Variants in MINAR1 observed in about 807,000 individuals in gnomAD.
MINAR1 encodes major intrinsically disordered Notch2-binding receptor 1.
A neutral mutation model predicts 65.1 loss-of-function variants in MINAR1; 40 were observed. That is an observed-to-expected ratio of 0.61 (90% CI 0.48 to 0.80). The LOEUF is 0.80. Ranked by LOEUF, MINAR1 falls within the 30% of genes least tolerant of loss-of-function variation. The pLI is 0.00. For synonymous variants in MINAR1, 482 were observed against 449.1 expected, an observed-to-expected ratio of 1.07 and a Z score of -0.93; for missense variants, 1,128 against 1,148.0, an observed-to-expected ratio of 0.98 and a Z score of 0.25.
chr15:79,429,468 A>G (rs535086910), upstream of MINAR1, among the ~76,000 whole-genome samples: 47 of 152,302 alleles, frequency 3.1e-4, 1 homozygote, highest in South Asian at 6.2e-4. Flanking sequence ...TTTTCACACC[A>G]TTGCCAATGA....
upstream of MINAR1, among the ~76,000 whole-genome samples, chr15:79,432,104 G>T (rs1321281073): frequency 6.6e-6 from 1 of 152,116 alleles, no homozygotes; most frequent in Non-Finnish European, 1.5e-5. Context: ...CAGCCTGCAA[G>T]CCCATGACGT....
upstream of MINAR1, among the ~76,000 whole-genome samples, chr15:79,428,439 TCCCCTTTCCTCCCTCCCTCCTTCC>T (rs1894367766): frequency 1.7e-5 from 2 of 116,768 alleles, no homozygotes; most frequent in Admixed American, 8.1e-5. Flanking sequence ...CTTCCTTTCT[TCCCCTTTCCTCCCTCCCTCCTTCC>T]CTCCCTCTTT....
intron 1 of MINAR1, among the ~76,000 whole-genome samples, chr15:79,453,643 C>G (rs1001276282): frequency 5.9e-5 from 9 of 152,198 alleles, no homozygotes; most frequent in African/African-American, 2.2e-4. Context: ...TGCAGTTTCT[C>G]TATGATAACT....
At position 79,471,837 on chromosome 15, in the gene MINAR1, A is replaced by G. The variant is rs552099718; in HGVS notation, c.*3453A>G. On this transcript the variant is annotated 3_prime_UTR_variant, in exon 4 of 4. Coordinates refer to ENST00000305428, the MANE Select transcript of MINAR1 (RefSeq NM_015206.3). ...TGCTTCATATTATAACCAACCTGCA[A>G]GAATATTGTGGTCAATTGTGTGAAT... The G allele has an allele frequency of 3.5e-4, 54 of 152,752 alleles. 1 individual carries two copies. The South Asian group carries it at 7.7e-3, about 22-fold the overall frequency. The allele number at this position is 152,752 out of a possible 1,614,324, so 9.5% of individuals were successfully genotyped here.
chr15:79,447,434 TA>T (rs1415885287), intron 1 of MINAR1, among the ~76,000 whole-genome samples: 1 of 151,702 alleles, frequency 6.6e-6, no homozygotes, highest in East Asian at 1.9e-4. Context: ...TTATTTTAAG[TA>T]TATTTGTATC....
At chr15:79,454,227 C>G (rs1382777955) in intron 1 of MINAR1, among the ~76,000 whole-genome samples, 1 of 152,154 alleles carries the variant, frequency 6.6e-6, no homozygotes, top group Non-Finnish European at 1.5e-5. Context: ...TTTCCTTTTC[C>G]TTGCAAGAAA....
At position 79,457,550 on chromosome 15, in the gene MINAR1, G is replaced by C; in HGVS notation, c.1403G>C (p.Ser468Thr). 6.2e-7 allele frequency: 1 copy of C among 1,614,184 alleles called. No homozygotes were observed. Among genetic ancestry groups the C allele is most frequent in the Non-Finnish European group, 8.5e-7 (1 of 1,180,032 alleles). ...ATTAACTGCACCAGTGGGCAGCTCA[G>C]CTCAGACACCAGTAGCGTGGGCACC... ...KSINCTSGQL[S>T]SDTSSVGTQT... Residue 468 changes from serine to threonine, a missense_variant, in exon 2 of 4, where the codon AGC becomes ACC. Coordinates refer to ENST00000305428, the MANE Select transcript of MINAR1 (RefSeq NM_015206.3).
chr15:79,412,717 C>A, the MINAR1 span: 1 of 152,540 alleles, frequency 6.6e-6, no homozygotes, highest in East Asian at 1.9e-4. Context: ...GAGCATGCAC[C>A]CTGCTGCGCT....
At chr15:79,422,841 T>A in the MINAR1 span, 1 of 152,062 alleles carries the variant, frequency 6.6e-6, no homozygotes, top group Non-Finnish European at 1.5e-5. Context: ...CAAGAGGAAA[T>A]AAAACCATTG....
chr15:79,439,354 A>AATGAGATGTTGTGTGTGGGTAGTG (rs1567050630), intron 1 of MINAR1, among the ~76,000 whole-genome samples: 3 of 51,436 alleles, frequency 5.8e-5, no homozygotes, highest in Admixed American at 2.3e-4. Context: ...GTGTGTGGGT[A>AATGAGATGTTGTGTGTGGGTAGTG]ATGAGATGTG....
intron 1 of MINAR1, 122 bp from the exon 2 acceptor site, chr15:79,455,976 T>C: frequency 3.3e-6 from 2 of 610,278 alleles, no homozygotes; most frequent in Non-Finnish European, 5.6e-6. Context: ...TTATTACATT[T>C]TTAATCATTA....
At chr15:79,411,460 G>A in the MINAR1 span, 31 of 702,528 alleles carry the variant, frequency 4.4e-5, no homozygotes, top group African/African-American at 2.6e-4. Flanking sequence ...GCAGCCAGGC[G>A]GAACACCTGC....
chr15:79,455,680 G>A (rs578156403), intron 1 of MINAR1, among the ~76,000 whole-genome samples: 3 of 152,278 alleles, frequency 2.0e-5, no homozygotes, highest in African/African-American at 7.2e-5. Flanking sequence ...ATACATTCGA[G>A]ATTCATCCAC....
chr15:79,454,909 G>C (rs113901080), intron 1 of MINAR1, among the ~76,000 whole-genome samples: 2 of 132,020 alleles, frequency 1.5e-5, no homozygotes, highest in Admixed American at 7.6e-5. Context: ...TTCATTGTAC[G>C]TACATTTTAC....
At chr15:79,454,273 A>G (rs1432124557) in intron 1 of MINAR1, among the ~76,000 whole-genome samples, 1 of 152,226 alleles carries the variant, frequency 6.6e-6, no homozygotes, top group East Asian at 1.9e-4. Context: ...CCCTCCAGAC[A>G]TTCATGGGAG....
At chr15:79,411,845 C>T in the MINAR1 span, 1 of 251,934 alleles carries the variant, frequency 4.0e-6, no homozygotes, top group Non-Finnish European at 8.0e-6. Context: ...GGACAGCCAT[C>T]CCTCTAGGCT....
At chr15:79,444,717 G>A (rs4399509) in intron 1 of MINAR1, among the ~76,000 whole-genome samples, 147,823 of 151,920 alleles carry the variant, frequency 0.97, 71,945 homozygotes, top group African/African-American at 0.99. Context: ...TTAAATTTCC[G>A]TGTGTTCAGG....
the MINAR1 span, chr15:79,421,934 T>A: frequency 6.6e-6 from 1 of 152,202 alleles, no homozygotes; most frequent in Non-Finnish European, 1.5e-5. Context: ...AGAGAAATAG[T>A]GGGAGTTTGA....
At chr15:79,431,930 C>A (rs1024398404), upstream of MINAR1, among the ~76,000 whole-genome samples, 2 of 152,226 alleles carry the variant, frequency 1.3e-5, no homozygotes, top group African/African-American at 4.8e-5. Context: ...GCAGGGCACC[C>A]CCTTGGCGCG....
Sources: gnomAD v4.1 joint callset for allele counts (sites outside exome capture counted in the v4.1 genomes callset) on GRCh38, gnomAD v4.1.1 for gene constraint, MANE v1.5 for transcripts, NCBI Gene and HGNC (gene_info 2026-07-23, HGNC 2026-07-21) for gene names.